Variants in AFDN observed in about 807,000 individuals in gnomAD.
AFDN encodes the protein afadin, adherens junction formation factor.
In AFDN, 68 loss-of-function variants were observed where a neutral mutation model predicts 216.6. The ratio of observed to expected loss-of-function variants is 0.31; its 90% CI spans 0.26 to 0.38. The LOEUF is 0.38. AFDN is among the 10% of genes least tolerant of loss of function. The pLI, the probability that AFDN is intolerant of heterozygous loss-of-function variation, is 1.00. For missense variants in AFDN, 2,136 were observed against 2,342.0 expected, an observed-to-expected ratio of 0.91 and a Z score of 1.82; for synonymous variants, 868 against 853.7, an observed-to-expected ratio of 1.02 and a Z score of -0.29.
chr6:167,898,273 G>A lies in AFDN; in HGVS notation c.1386G>A (p.Thr462=), dbSNP rs756963164. The A allele has an allele frequency of 5.6e-6, 9 of 1,614,086 alleles. 1 individual carries two copies. In the Middle Eastern group the frequency reaches 8.2e-4, roughly 148 times the overall value. Residue 462 remains threonine, a synonymous_variant, in exon 11 of 34, where the codon ACG becomes ACA. Transcript: ENST00000683244. ...LTNMDGVVTV[T]PRSMDAETYV... is the part of the protein sequence containing the mutation. The stretch of plus-strand genomic sequence containing the variant: ...ACATGGATGGAGTGGTCACTGTGAC[G>A]CCCAGAAGTATGGACGCAGAAACCT...
In AFDN at chr6:167,893,883, A is replaced by C. The variant is rs1171236286; in HGVS notation, c.1199A>C (p.Tyr400Ser). The change falls in exon 9 of 34, where the codon TAC (tyrosine) becomes TCC (serine). Residue 400 changes from tyrosine to serine, a missense_variant. Physicochemically the swap from Tyr to Ser is moderately radical, Grantham distance 144 (BLOSUM62 -2). This residue lies in a region of AFDN where 817 missense variants were observed against 965.7 expected (regional missense o/e 0.85). Transcript: ENST00000683244. ...CCAGGGAGAAGGAATCACTTTGCCT[A>C]CTACAACTATCACACTTACGAAGGT... The part of the protein sequence containing the change: ...LSPGRRNHFA[Y>S]YNYHTYEDGS... The C allele has an allele frequency of 1.3e-6, 2 of 1,589,298 alleles. No homozygotes were observed. The highest frequency in any genetic ancestry group is 1.7e-6 in the Non-Finnish European group (2 of 1,166,324).
intron 3 of AFDN, 139 bp from the exon 4 acceptor site, chr6:167,872,075 T>C: frequency 1.3e-6 from 1 of 747,964 alleles, no homozygotes; most frequent in Non-Finnish European, 2.2e-6. Flanking sequence ...AAGACCATTC[T>C]CATTACTCCA....
intron 13 of AFDN, among the ~76,000 whole-genome samples, chr6:167,907,949 G>T (rs1159886322): frequency 6.6e-6 from 1 of 152,158 alleles, no homozygotes; most frequent in Non-Finnish European, 1.5e-5. Flanking sequence ...ATTAAACATG[G>T]TGGATAAATA....
intron 30 of AFDN, 125 bp downstream of exon 30, chr6:167,952,312 G>C (rs2128692611): frequency 6.5e-7 from 1 of 1,538,018 alleles, no homozygotes; most frequent in South Asian, 1.3e-5. Flanking sequence ...GGCTTATACT[G>C]TTTTATTGTA....
intron 12 of AFDN, among the ~76,000 whole-genome samples, chr6:167,906,190 T>C (rs1296561175): frequency 6.6e-6 from 1 of 152,242 alleles, no homozygotes; most frequent in Non-Finnish European, 1.5e-5. Context: ...TGTCACTCTG[T>C]ACTGATGAAC....
Position 167,922,845 on chromosome 6 carries a change from T to C in AFDN, c.2909-11T>C, listed in dbSNP as rs138359285. The stretch of plus-strand genomic sequence containing the variant: ...GCTTTTTCACTTACAATTTGCTTGT[T>C]TCCTCCTTAGGATTTTGCAGGTTAA... On this transcript the variant is annotated splice_polypyrimidine_tract_variant and intron_variant, in intron 21 of 33. Transcript: ENST00000683244. 6.3e-7 allele frequency: 1 copy of C among 1,585,968 alleles called. No homozygotes were observed. The highest frequency in any genetic ancestry group is 8.6e-7 in the Non-Finnish European group (1 of 1,158,302).
In AFDN at chr6:167,846,938, T is replaced by G. The variant is rs550321804; in HGVS notation, c.106-17613T>G. The stretch of plus-strand genomic sequence containing the variant: ...TTATTGTTTTGCCAGTTTAGTTATT[T>G]GATTGATGCAAACCTGTCATCTGTA... On this transcript the variant is annotated intron_variant, in intron 1 of 33. Coordinates refer to ENST00000683244, the MANE Select transcript of AFDN (RefSeq NM_001386888.1). Among the ~76,000 whole-genome samples, 3 of 151,892 alleles carry G rather than the reference T, an allele frequency of 2.0e-5. No individual in the cohort carries two copies. The East Asian group carries it at 5.8e-4, about 30-fold the overall frequency.
At chr6:167,924,705 C>G (rs1792281204) in intron 22 of AFDN, among the ~76,000 whole-genome samples, 2 of 150,292 alleles carry the variant, frequency 1.3e-5, no homozygotes, top group Admixed American at 1.3e-4. Flanking sequence ...ATCAGGCTTT[C>G]TACCTGATAG....
chr6:167,864,777 G>A (rs1288006807), intron 2 of AFDN, 31 bp downstream of exon 2: 2 of 1,604,334 alleles, frequency 1.2e-6, no homozygotes, highest in South Asian at 1.1e-5. Context: ...TTTGCTAGAG[G>A]CATGACCTGA....
intron 3 of AFDN, among the ~76,000 whole-genome samples, chr6:167,871,530 A>G (rs1784796614): frequency 6.6e-6 from 1 of 152,178 alleles, no homozygotes; most frequent in Non-Finnish European, 1.5e-5. Flanking sequence ...TTCCCATCAC[A>G]ATAGCCATTC....
At chr6:167,843,656 G>A (rs1316304412) in intron 1 of AFDN, among the ~76,000 whole-genome samples, 1 of 152,210 alleles carries the variant, frequency 6.6e-6, no homozygotes, top group Non-Finnish European at 1.5e-5. Flanking sequence ...AGCTTTGAAA[G>A]TCTGGCCCCT....
Position 167,921,320 on chromosome 6 carries a change from G to A in AFDN, c.2909-1536G>A, listed in dbSNP as rs551641818. Among the ~76,000 whole-genome samples, 3 of 152,282 alleles carry A rather than the reference G, an allele frequency of 2.0e-5. No homozygotes were observed. The South Asian group carries it at 6.2e-4, about 32-fold the overall frequency. On this transcript the variant is annotated intron_variant, in intron 21 of 33. Coordinates refer to ENST00000683244, the MANE Select transcript of AFDN (RefSeq NM_001386888.1). ...TTAAATGATTAATGTTAGGACATAC[G>A]TGATATTTCCGTGGCCGAGGCATCA...
At chr6:167,902,639 A>G (rs928127534) in intron 12 of AFDN, among the ~76,000 whole-genome samples, 1 of 152,240 alleles carries the variant, frequency 6.6e-6, no homozygotes, top group Non-Finnish European at 1.5e-5. Flanking sequence ...TGAAGATAAA[A>G]TGGAACAATA....
upstream of AFDN, chr6:167,826,838 A>ACGG (rs1169496467): frequency 2.0e-3 from 273 of 136,540 alleles, no homozygotes; most frequent in Non-Finnish European, 3.5e-3. Context: ...GGCGGCGCGC[A>ACGG]CGGCGGGCGG....
Position 167,897,093 on chromosome 6 carries a change from A to G in AFDN, c.1317+121A>G, listed in dbSNP as rs965721510. On this transcript the variant is annotated intron_variant, in intron 10 of 33. Coordinates refer to ENST00000683244, the MANE Select transcript of AFDN (RefSeq NM_001386888.1). ...AATTACCGACTTGTATTTAAATATA[A>G]ATAATTTATCTACTCTGGGTCACTT... 2.2e-4 allele frequency: 104 copies of G among 479,328 alleles called. 1 individual carries two copies. Among genetic ancestry groups the G allele is most frequent in the African/African-American group, 1.6e-3 (81 of 50,332 alleles). The allele number at this position is 479,328 out of a possible 1,614,324, so 29.7% of individuals were successfully genotyped here.
intron 22 of AFDN, among the ~76,000 whole-genome samples, chr6:167,924,091 T>C (rs1049033058): frequency 2.6e-5 from 4 of 151,458 alleles, no homozygotes; most frequent in African/African-American, 9.7e-5. Context: ...TTTCAGGTTT[T>C]GATTTAAAAA....
At chr6:167,935,775 T>G (rs1281478557) in intron 23 of AFDN, among the ~76,000 whole-genome samples, 1 of 152,160 alleles carries the variant, frequency 6.6e-6, no homozygotes, top group East Asian at 1.9e-4. Flanking sequence ...GCTCTTTTGC[T>G]TTTCTTTTTT....
At chr6:167,965,716 TCA>T in intron 31 of AFDN, 39 bp from the exon 32 acceptor site, 1 of 1,481,372 alleles carries the variant, frequency 6.8e-7, no homozygotes, top group Non-Finnish European at 9.0e-7. Context: ...TGTTCCCTTC[TCA>T]CCTCTGACCT....
intron 1 of AFDN, among the ~76,000 whole-genome samples, chr6:167,832,287 CT>C (rs1779915276): frequency 6.6e-6 from 1 of 152,128 alleles, no homozygotes. Context: ...TACCGGTGGG[CT>C]TCCAGTTCGT....
Sources: allele counts gnomAD v4.1 joint callset (sites outside exome capture counted in the v4.1 genomes callset), GRCh38; gene constraint gnomAD v4.1.1; regional missense constraint gnomAD v4.1.1; transcripts MANE v1.5; gene names NCBI Gene and HGNC (gene_info 2026-07-23, HGNC 2026-07-21).